Variants in RENBP observed in about 807,000 individuals in gnomAD.
The protein encoded by RENBP is N-acylglucosamine 2-epimerase.
A neutral mutation model predicts 37.8 loss-of-function variants in RENBP; 16 were observed. The ratio of observed to expected loss-of-function variants is 0.42; its 90% CI spans 0.29 to 0.64. The LOEUF (loss-of-function observed/expected upper bound fraction) is 0.64, where lower values mean the gene tolerates loss of function less well. Among genes scored for constraint, RENBP ranks in the 30% least tolerant of loss-of-function variants. The probability of loss-of-function intolerance (pLI) is 0.19; values close to 1 mark genes in which losing one functional copy is unlikely to be tolerated. For synonymous variants in RENBP, 170 were observed against 154.8 expected (o/e 1.10, Z -0.73); for missense variants, 347 against 379.5 (o/e 0.91, Z 0.71).
chrX:153,939,114 C>G (rs1190085630), intron 9 of RENBP, among the ~76,000 whole-genome samples: 2 of 107,641 alleles, frequency 1.9e-5, no homozygotes, highest in African/African-American at 6.8e-5. Context: ...GAGACATAGT[C>G]TCGCTCTGTT....
chrX:153,943,708 G>A lies in RENBP; in HGVS notation c.300C>T (p.Phe100=). The change falls in exon 5 of 11, where the codon TTC becomes TTT. Residue 100 remains phenylalanine (F), a synonymous_variant. Transcript: ENST00000393700. ...GTGCCACCCGGGCATACCGCAGCAA[G>A]AACTCACCACCTGGAGGTTGGGGGG... ...LLDAAKAGGE[F]LLRYARVAPP... is the part of the protein sequence containing the mutation. 1 of 1,209,782 alleles carries A rather than the reference G, an allele frequency of 8.3e-7. No individual in the cohort carries two copies. Among genetic ancestry groups the A allele is most frequent in the Non-Finnish European group, 1.1e-6 (1 of 894,396 alleles).
chrX:153,943,226 G>C (rs782573881), intron 5 of RENBP, 147 bp from the exon 6 acceptor site: 12 of 484,120 alleles, frequency 2.5e-5, no homozygotes, highest in Non-Finnish European at 4.1e-5. Flanking sequence ...CTGGCACCCA[G>C]CGTCCAGTAG....
At chrX:153,942,276 C>T in intron 6 of RENBP, 1 of 257,719 alleles carries the variant, frequency 3.9e-6, no homozygotes, top group Non-Finnish European at 6.5e-6. Flanking sequence ...TGCTCTGTCA[C>T]CCAGGCTAAA....
intron 9 of RENBP, among the ~76,000 whole-genome samples, chrX:153,937,815 G>T (rs1395102439): frequency 9.1e-6 from 1 of 110,434 alleles, no homozygotes; most frequent in African/African-American, 3.3e-5. Flanking sequence ...GGCTGTTCTC[G>T]AACTCCTGAC....
chrX:153,935,647 G>T (rs1232668337), intron 9 of RENBP, 71 bp from the exon 10 acceptor site: 3 of 901,142 alleles, frequency 3.3e-6, no homozygotes, highest in East Asian at 3.1e-5. Context: ...CGCTACCAGG[G>T]GTCAGAGCCT....
chrX:153,942,743 G>A, intron 6 of RENBP, 112 bp downstream of exon 6: 1 of 642,122 alleles, frequency 1.6e-6, no homozygotes. Flanking sequence ...CCTTCCCCAG[G>A]TGGGGACATC....
rs2065220514 is a variant in RENBP at position 153,940,238 on chromosome X, G to A, written c.946-5C>T. ...GAGCTTCATGGCCCACTCCAGCTGA[G>A]GGGAGAGCAGGGGCAGGCATCTCAG... On this transcript the variant is annotated splice_polypyrimidine_tract_variant and splice_region_variant and intron_variant, in intron 8 of 10. Transcript: ENST00000393700. The A allele has an allele frequency of 8.3e-7, 1 of 1,208,250 alleles. No homozygotes were observed. Among genetic ancestry groups the A allele is most frequent in the Admixed American group, 2.2e-5 (1 of 45,567 alleles).
At chrX:153,938,793 T>TG (rs2065214072) in intron 9 of RENBP, among the ~76,000 whole-genome samples, 1 of 91,183 alleles carries the variant, frequency 1.1e-5, no homozygotes, top group African/African-American at 5.4e-5. Context: ...TTTTTTTTTT[T>TG]TTGTTTTTTT....
Position 153,944,093 on chromosome X carries a change from A to G in RENBP, c.200T>C (p.Leu67Pro). 1 of 1,210,757 alleles carries G rather than the reference A, an allele frequency of 8.3e-7. No individual in the cohort carries two copies. The highest frequency in any genetic ancestry group is 1.1e-6 in the Non-Finnish European group (1 of 895,023). Residue 67 changes from leucine (L) to proline (P), a missense_variant, in exon 3 of 11, where the codon CTG becomes CCG. By Grantham distance (98) the Leu-to-Pro change is moderately conservative. This residue lies in a region of RENBP where 244 missense variants were observed against 279.4 expected (regional missense o/e 0.87). Coordinates refer to ENST00000393700, the MANE Select transcript of RENBP (RefSeq NM_002910.6). ...RVYDDLKYVW[L>P]QGRQVWMYCR... ...GGAACACCATACCTGCCTCCCCTGC[A>G]GCCACACATACTTGAGGTCATCATA...
rs1557109315 is a variant in RENBP, at chrX:153,940,246, C to T, written c.946-13G>A. The T allele has an allele frequency of 8.3e-7, 1 of 1,209,639 alleles. No homozygotes were observed. Among genetic ancestry groups the T allele is most frequent in the Admixed American group, 2.2e-5 (1 of 45,913 alleles). ...TGGCCCACTCCAGCTGAGGGGAGAG[C>T]AGGGGCAGGCATCTCAGCAGGAAAC... On this transcript the variant is annotated splice_polypyrimidine_tract_variant and intron_variant, in intron 8 of 10. Coordinates refer to ENST00000393700, the MANE Select transcript of RENBP (RefSeq NM_002910.6).
At chrX:153,943,399 TG>T in intron 5 of RENBP, 146 bp downstream of exon 5, 1 of 592,079 alleles carries the variant, frequency 1.7e-6, no homozygotes, top group Non-Finnish European at 2.6e-6. Context: ...TGCGCCCCTG[TG>T]GGGGTAGGGG....
chrX:153,942,705 A>C, intron 6 of RENBP, 150 bp downstream of exon 6: 1 of 504,530 alleles, frequency 2.0e-6, no homozygotes. Flanking sequence ...GGGGCTCCGC[A>C]TCCTCCCTCC....
intron 8 of RENBP, among the ~76,000 whole-genome samples, chrX:153,941,014 C>T (rs1446479244): frequency 9.2e-6 from 1 of 108,780 alleles, no homozygotes; most frequent in Non-Finnish European, 1.9e-5. Flanking sequence ...TGGCCCATGC[C>T]TGTAATCCTA....
At chrX:153,935,451 G>C in intron 10 of RENBP, 38 bp downstream of exon 10, 1 of 1,166,388 alleles carries the variant, frequency 8.6e-7, no homozygotes, top group East Asian at 3.0e-5. Flanking sequence ...GCAGCCGAGA[G>C]GCGCAACCCC....
At chrX:153,941,002 G>A (rs1193933876) in intron 8 of RENBP, among the ~76,000 whole-genome samples, 4 of 109,161 alleles carry the variant, frequency 3.7e-5, no homozygotes, top group Non-Finnish European at 7.6e-5. Context: ...AGCCAGGCAT[G>A]GTGGCCCATG....
chrX:153,939,493 T>C (rs1257280348), intron 9 of RENBP, among the ~76,000 whole-genome samples: 1 of 111,883 alleles, frequency 8.9e-6, no homozygotes, highest in African/African-American at 3.3e-5. Flanking sequence ...CTGTGAACCC[T>C]CTGTCCCCAC....
chrX:153,940,759 C>T (rs1203162738), intron 8 of RENBP, among the ~76,000 whole-genome samples: 2 of 111,964 alleles, frequency 1.8e-5, no homozygotes, highest in African/African-American at 3.3e-5. Context: ...GCCATGGCAA[C>T]GTCAGGAAGT....
intron 9 of RENBP, among the ~76,000 whole-genome samples, chrX:153,938,790 TTTTTTG>T: frequency 1.1e-5 from 1 of 90,752 alleles, no homozygotes; most frequent in South Asian, 5.7e-4. Flanking sequence ...CTGTTTTTTT[TTTTTTG>T]TTTTTTTTTT....
At position 153,942,231 on chromosome X, in the gene RENBP, T is replaced by TTG. The variant is rs1557109696; in HGVS notation, c.688-201_688-200insCA. 1.0e-4 allele frequency: 6 copies of TTG among 60,179 alleles called. No homozygotes were observed. In the South Asian group the frequency reaches 1.9e-3, roughly 19 times the overall value. 5.0% of individuals were successfully genotyped at this position (60,179 alleles called of 1,213,427 possible). A position where few individuals can be genotyped will look rare whatever the true frequency, so the allele number is the denominator to read the frequency against. On this transcript the variant is annotated intron_variant, in intron 6 of 10. Transcript: ENST00000393700. ...CTCCCTTGGGCCTAGCAAGTTGTTG[T>TTG]TTTTTTTTTTTTTTTTTTTTTTTAG...
Sources: allele counts gnomAD v4.1 joint callset (sites outside exome capture counted in the v4.1 genomes callset), GRCh38; gene constraint gnomAD v4.1.1; regional missense constraint gnomAD v4.1.1; transcripts MANE v1.5; gene names NCBI Gene and HGNC (gene_info 2026-07-23, HGNC 2026-07-21).